Variants in TRPM2 observed in about 807,000 individuals in gnomAD.
TRPM2 encodes transient receptor potential cation channel subfamily M member 2, also known as estrogen-responsive element-associated gene 1 protein.
Under a neutral mutation model 174.0 loss-of-function variants are expected in TRPM2, and 161 were observed. That is an observed-to-expected ratio of 0.93 (90% CI 0.81 to 1.05). The LOEUF (loss-of-function observed/expected upper bound fraction) is 1.05, where lower values mean the gene tolerates loss of function less well. Among genes scored for constraint, TRPM2 ranks in the 50% least tolerant of loss-of-function variants. The pLI, the probability that TRPM2 is intolerant of heterozygous loss-of-function variation, is 0.00. For missense variants in TRPM2, 2,057 were observed against 2,038.0 expected, an observed-to-expected ratio of 1.01 and a Z score of -0.18; for synonymous variants, 954 against 861.3, an observed-to-expected ratio of 1.11 and a Z score of -1.88.
chr21:44,363,989 G>C, intron 2 of TRPM2, 125 bp from the exon 3 acceptor site: 2 of 1,001,490 alleles, frequency 2.0e-6, no homozygotes, highest in Non-Finnish European at 2.9e-6. Context: ...TGGCTGGAAG[G>C]GCAGGTGCTT....
At chr21:44,380,463 A>G (rs960682146) in intron 8 of TRPM2, among the ~76,000 whole-genome samples, 6 of 152,156 alleles carry the variant, frequency 3.9e-5, no homozygotes, top group African/African-American at 1.4e-4. Context: ...GGCAATTCTC[A>G]GAACTGAGTT....
intron 15 of TRPM2, among the ~76,000 whole-genome samples, chr21:44,401,157 G>A (rs1030306815): frequency 1.2e-4 from 18 of 152,176 alleles, no homozygotes; most frequent in African/African-American, 3.4e-4. Context: ...TGGCAGAGCC[G>A]TGTCACTGAT....
intron 8 of TRPM2, among the ~76,000 whole-genome samples, chr21:44,379,511 G>A (rs184873661): frequency 6.6e-6 from 1 of 152,228 alleles, no homozygotes; most frequent in African/African-American, 2.4e-5. Flanking sequence ...GGAGGCAGGC[G>A]CTGGGGAGGC....
chr21:44,426,795 G>C, intron 26 of TRPM2, 59 bp downstream of exon 26: 2 of 1,590,376 alleles, frequency 1.3e-6, no homozygotes, highest in Non-Finnish European at 1.7e-6. Context: ...CCTCCTAGGG[G>C]CTCCCTTGAG....
intron 19 of TRPM2, among the ~76,000 whole-genome samples, 187 bp downstream of exon 19, chr21:44,406,952 C>T (rs186018461): frequency 6.7e-6 from 1 of 150,040 alleles, no homozygotes; most frequent in Admixed American, 6.6e-5. Context: ...AGGGGCCCCA[C>T]CAGGGGAGGG....
Position 44,412,424 on chromosome 21 carries a change from A to G in TRPM2, c.2963-1467A>G, listed in dbSNP as rs191451036. On this transcript the variant is annotated intron_variant, in intron 19 of 31. Transcript: ENST00000397928. ...TCCTTTGAGTTCTTTTTCTTTTTGT[A>G]AGATTAGTAGTAATATCCTCTCTTT... 1.5e-3 allele frequency among the ~76,000 whole-genome samples: 228 copies of G among 152,142 alleles called. 1 individual carries two copies. The highest frequency in any genetic ancestry group is 5.1e-3 in the African/African-American group (212 of 41,504).
At position 44,438,904 on chromosome 21, in the gene TRPM2, G is replaced by T. The variant is rs572616368; in HGVS notation, c.4168-163G>T. The T allele has an allele frequency of 2.2e-4, 129 of 582,156 alleles. 1 individual carries two copies. Among genetic ancestry groups the T allele is most frequent in the Non-Finnish European group, 3.6e-4 (116 of 325,890 alleles). 36.1% of individuals were successfully genotyped at this position (582,156 alleles called of 1,614,324 possible). On this transcript the variant is annotated intron_variant, in intron 29 of 31. Transcript: ENST00000397928. The surrounding 1 kb of genome is among the most constrained non-coding windows in gnomAD (Gnocchi z 5.9). Reference sequence around the variant, plus strand: ...TCACAGATGCTGACGTGGACGGCGGGTTCTGGGCAATGTCACTGCAGCCTG... The same window carrying T: ...TCACAGATGCTGACGTGGACGGCGGTTTCTGGGCAATGTCACTGCAGCCTG...
upstream of TRPM2, among the ~76,000 whole-genome samples, chr21:44,352,042 G>C (rs1488918323): frequency 1.3e-5 from 2 of 152,194 alleles, no homozygotes; most frequent in African/African-American, 4.8e-5. Flanking sequence ...CGCCTGCCTG[G>C]GGAGCCACCT....
chr21:44,369,310 TG>T lies in TRPM2; in HGVS notation c.739del (p.Val247SerfsTer7). 6.2e-7 allele frequency: 1 copy of T among 1,613,424 alleles called. No homozygotes were observed. On this transcript the variant is annotated frameshift_variant, in exon 5 of 32. Transcript: ENST00000397928. LOFTEE classifies it high-confidence loss of function. ...ITIGVATWGT[V>X]HRREGLIHPT... Reference sequence around the variant, plus strand: ...CCATCGGAGTCGCCACCTGGGGCACTGTCCACCGCCGCGAGGGCCTGATCCA... The same window carrying T: ...CCATCGGAGTCGCCACCTGGGGCACTTCCACCGCCGCGAGGGCCTGATCCA...
chr21:44,368,165 G>T (rs929124656), intron 4 of TRPM2, among the ~76,000 whole-genome samples: 2 of 152,220 alleles, frequency 1.3e-5, no homozygotes, highest in Admixed American at 1.3e-4. Flanking sequence ...TGTTCCCCAG[G>T]CTGGAGTGCA....
chr21:44,424,096 C>T (rs1305530115), intron 23 of TRPM2, among the ~76,000 whole-genome samples: 2 of 152,138 alleles, frequency 1.3e-5, no homozygotes, highest in South Asian at 2.1e-4. Context: ...TTAGAGACGG[C>T]CTCTCAGGGT....
chr21:44,355,888 G>C (rs1041166480), intron 2 of TRPM2, among the ~76,000 whole-genome samples: 1 of 151,026 alleles, frequency 6.6e-6, no homozygotes, highest in Non-Finnish European at 1.5e-5. Context: ...CCCATATCTC[G>C]TATCAGTCCC....
chr21:44,400,250 C>T lies in TRPM2; in HGVS notation c.2209-9C>T. ...GGCACTGCCATCCTGAGACTGCCCC[C>T]ATCCGCAGGCCTTCCTGACCAAGGT... On this transcript the variant is annotated splice_polypyrimidine_tract_variant and intron_variant, in intron 14 of 31. Coordinates refer to ENST00000397928, the MANE Select transcript of TRPM2 (RefSeq NM_003307.4). The T allele has an allele frequency of 6.2e-7, 1 of 1,610,354 alleles. No individual in the cohort carries two copies. The highest frequency in any genetic ancestry group is 8.5e-7 in the Non-Finnish European group (1 of 1,178,146).
At position 44,354,505 on chromosome 21, in the gene TRPM2, A is replaced by G. The variant is rs930481587; in HGVS notation, c.166-143A>G. ...CGGAGAGTCTTGGCAAGGTGCTTCT[A>G]ATCTTTGGCTCAGGGTCGCGCAGGC... On this transcript the variant is annotated intron_variant, in intron 1 of 31. Transcript: ENST00000397928. This position sits in a 1 kb window ranked among gnomAD's most constrained non-coding sequence, Gnocchi z 4.3. 1 of 670,580 alleles carries G rather than the reference A, an allele frequency of 1.5e-6. No homozygotes were observed. Among genetic ancestry groups the G allele is most frequent in the Non-Finnish European group, 2.6e-6 (1 of 379,550 alleles). 41.5% of individuals were successfully genotyped at this position (670,580 alleles called of 1,614,324 possible). A position where few individuals can be genotyped will look rare whatever the true frequency, so the allele number is the denominator to read the frequency against.
rs76481077 is a variant in TRPM2, at chr21:44,433,287, C to A, written c.3975-1844C>A. On this transcript the variant is annotated intron_variant, in intron 27 of 31. Transcript: ENST00000397928. ...AGCTTCCTGTGGGGGTGGACTCATG[C>A]CAGGCAGAGCGTGTGGCCTCCTCTG... 1.1e-4 allele frequency among the ~76,000 whole-genome samples: 17 copies of A among 152,334 alleles called. No individual in the cohort carries two copies. The East Asian group carries it at 3.1e-3, about 28-fold the overall frequency.
chr21:44,422,155 T>C (rs2050573329), intron 22 of TRPM2: 2 of 1,264,862 alleles, frequency 1.6e-6, no homozygotes, highest in East Asian at 5.1e-5. Flanking sequence ...CCTAGCCTGG[T>C]CACCGTCCCC....
intron 5 of TRPM2, 56 bp from the exon 6 acceptor site, chr21:44,375,777 C>T (rs926420261): frequency 1.9e-5 from 30 of 1,551,852 alleles, no homozygotes; most frequent in African/African-American, 1.8e-4. Context: ...AGCCTGCTCG[C>T]GTTAGAGAGG....
rs1208162151 is a variant in TRPM2 at position 44,353,830 on chromosome 21, T to C, written c.130T>C (p.Trp44Arg). Residue 44 changes from tryptophan (W) to arginine (R), a missense_variant, in exon 1 of 32, where the codon TGG becomes CGG. Trp to Arg is a moderately radical substitution (Grantham distance 101). Coordinates refer to ENST00000397928, the MANE Select transcript of TRPM2 (RefSeq NM_003307.4). ...CAGCAACAGCAGCCTCTTCAAGAGC[T>C]GGAGGCTACAGTGCCCCTTCGGCAA... ...RRSNSSLFKS[W>R]RLQCPFGNND... 6.2e-7 allele frequency: 1 copy of C among 1,601,674 alleles called. No individual in the cohort carries two copies.
At position 44,399,651 on chromosome 21, in the gene TRPM2, G is replaced by A. The variant is rs1279128419; in HGVS notation, c.2208+210G>A. On this transcript the variant is annotated intron_variant, in intron 14 of 31. Transcript: ENST00000397928. The surrounding 1 kb of genome is among the most constrained non-coding windows in gnomAD (Gnocchi z 4.6). ...GGAAGCTAACATGAAGCAAAAGCAG[G>A]AGCTGGTGGCCATGGAGATCGCAAT... 2.0e-5 allele frequency among the ~76,000 whole-genome samples: 3 copies of A among 152,210 alleles called. No homozygotes were observed. Among genetic ancestry groups the A allele is most frequent in the African/African-American group, 7.2e-5 (3 of 41,460 alleles).
Sources: gnomAD v4.1 joint callset for allele counts (sites outside exome capture counted in the v4.1 genomes callset) on GRCh38, gnomAD v4.1.1 for gene constraint, Gnocchi (gnomAD v3.1) non-coding constraint, MANE v1.5 for transcripts, NCBI Gene and HGNC (gene_info 2026-07-23, HGNC 2026-07-21) for gene names.